The following TMX4 variants were observed in gnomAD, a reference collection of about 807,000 sequenced individuals.
TMX4 encodes thioredoxin-related transmembrane protein 4.
In TMX4, 23 loss-of-function variants were observed where a neutral mutation model predicts 33.3. That is an observed-to-expected ratio of 0.69 (90% CI 0.50 to 0.98). TMX4 has a LOEUF of 0.98. Ranked by LOEUF, TMX4 falls within the 50% of genes least tolerant of loss-of-function variation. The pLI is 0.00. For missense variants in TMX4, 399 were observed against 448.9 expected (o/e 0.89, Z 1.01); for synonymous variants, 164 against 161.5 (o/e 1.02, Z -0.12).
At chr20:7,983,314 A>T (rs1389838065) in intron 7 of TMX4, among the ~76,000 whole-genome samples, 1 of 152,228 alleles carries the variant, frequency 6.6e-6, no homozygotes, top group Non-Finnish European at 1.5e-5. Context: ...CCCACATAAA[A>T]TTCAACAATT....
intron 1 of TMX4, among the ~76,000 whole-genome samples, chr20:8,016,399 A>G (rs536190900): frequency 3.9e-5 from 6 of 152,228 alleles, no homozygotes; most frequent in Admixed American, 2.6e-4. Context: ...CAATAAGCCC[A>G]TAGCATTAAA....
Position 8,019,570 on chromosome 20 carries a change from G to T in TMX4, c.44C>A (p.Ala15Asp), listed in dbSNP as rs766511687. 2.1e-6 allele frequency: 3 copies of T among 1,406,006 alleles called. No individual in the cohort carries two copies. Among genetic ancestry groups the T allele is most frequent in the South Asian group, 1.6e-5 (1 of 63,030 alleles). The allele number at this position is 1,406,006 out of a possible 1,614,324, so 87.1% of individuals were successfully genotyped here. Residue 15 changes from alanine to aspartate, a missense_variant, in exon 1 of 8, where the codon GCC (alanine) becomes GAC (aspartate). Physicochemically the swap from Ala to Asp is moderately radical, Grantham distance 126 (BLOSUM62 -2). Transcript: ENST00000246024. Reference sequence around the variant, plus strand: ...CGCCGCCACAGCCGCGATCCAGGCGGCCAGGAGCGCCGTTAGCTGCGGGCC... The same window carrying T: ...CGCCGCCACAGCCGCGATCCAGGCGTCCAGGAGCGCCGTTAGCTGCGGGCC... ...RCGPQLTALL[A>D]AWIAAVAATA... is the part of the protein sequence containing the mutation.
In TMX4 at chr20:7,987,368, C is replaced by T. The variant is rs1365390222; in HGVS notation, c.535G>A (p.Val179Met). 1 of 1,589,292 alleles carries T rather than the reference C, an allele frequency of 6.3e-7. No individual in the cohort carries two copies. The highest frequency in any genetic ancestry group is 1.9e-5 in the Admixed American group (1 of 52,406). Residue 179 changes from valine (V) to methionine (M), a missense_variant, in exon 6 of 8, where the codon GTG (valine) becomes ATG (methionine). Transcript: ENST00000246024. Reference sequence around the variant, plus strand: ...CACCAAGCAGGAATTCCAAGAGTCACTGTGAAATAGTTGTGAAGATGCTGG... The same window carrying T: ...CACCAAGCAGGAATTCCAAGAGTCATTGTGAAATAGTTGTGAAGATGCTGG... ...KIWHLHNYFT[V>M]TLGIPAWCSY...
Position 7,982,388 on chromosome 20 carries a change from C to G in TMX4, c.913G>C (p.Asp305His), listed in dbSNP as rs2050610491. The change falls in exon 8 of 8, where the codon GAC (aspartate) becomes CAC (histidine). Residue 305 changes from aspartate to histidine, a missense_variant. Physicochemically the swap from Asp to His is moderately conservative, Grantham distance 81 (BLOSUM62 -1). Coordinates refer to ENST00000246024, the MANE Select transcript of TMX4 (RefSeq NM_021156.4). ...EANDQGPPGE[D>H]GVTREEVEPE... ...TCTACTTCCTCCCGGGTCACACCGT[C>G]CTCTCCTGGGGGCCCCTGATCATTG... 6.2e-7 allele frequency: 1 copy of G among 1,614,088 alleles called. No individual in the cohort carries two copies.
rs1311816356 is a variant in TMX4 at position 7,978,833 on chromosome 20, G to C, written c.*3418C>G. The C allele has an allele frequency of 6.6e-6, 1 of 152,180 alleles. No individual in the cohort carries two copies. Among genetic ancestry groups the C allele is most frequent in the Admixed American group, 6.5e-5 (1 of 15,278 alleles). 9.4% of individuals were successfully genotyped at this position (152,180 alleles called of 1,614,324 possible). A position where few individuals can be genotyped will look rare whatever the true frequency, so the allele number is the denominator to read the frequency against. ...TGAGATCTCTGAGCAAGCTGGGTTGGTTTAGCAGATCTAGCAAGAGACAAA... is the reference window on the plus strand; with the variant it reads ...TGAGATCTCTGAGCAAGCTGGGTTGCTTTAGCAGATCTAGCAAGAGACAAA... On this transcript the variant is annotated 3_prime_UTR_variant, in exon 8 of 8. Transcript: ENST00000246024.
chr20:8,003,009 T>G (rs2122870103), intron 2 of TMX4, among the ~76,000 whole-genome samples: 1 of 152,286 alleles, frequency 6.6e-6, no homozygotes, highest in Non-Finnish European at 1.5e-5. Context: ...AACTGAGGAT[T>G]GTAACAAGCA....
chr20:8,005,011 G>C (rs2050722763), intron 2 of TMX4, among the ~76,000 whole-genome samples: 1 of 152,174 alleles, frequency 6.6e-6, no homozygotes, highest in Non-Finnish European at 1.5e-5. Flanking sequence ...CCTTACTTTT[G>C]AGATTGAAAT....
rs114511973 is a variant in TMX4 at position 7,997,748 on chromosome 20, C to T, written c.468-1677G>A. Among the ~76,000 whole-genome samples the T allele has an allele frequency of 9.2e-3, 1,407 of 152,314 alleles. 19 individuals are homozygous for T. Among genetic ancestry groups the T allele is most frequent in the African/African-American group, 0.032 (1,317 of 41,580 alleles). ...GACTGGCCAAAAAGGCACCTCTCTG[C>T]GCAAAAATAAAATTGCTTTGCTAAA... On this transcript the variant is annotated intron_variant, in intron 4 of 7. Coordinates refer to ENST00000246024, the MANE Select transcript of TMX4 (RefSeq NM_021156.4).
chr20:7,983,786 G>A lies in TMX4; in HGVS notation c.679+8C>T, dbSNP rs1016186480. On this transcript the variant is annotated splice_region_variant and intron_variant, in intron 7 of 7. Coordinates refer to ENST00000246024, the MANE Select transcript of TMX4 (RefSeq NM_021156.4). The stretch of plus-strand genomic sequence containing the variant: ...ACACTCTAGATCACAGGAGCTTATC[G>A]TACTTACCAGAACGCTCAGATAAAT... 7.4e-6 allele frequency: 12 copies of A among 1,612,170 alleles called. No homozygotes were observed. Among genetic ancestry groups the A allele is most frequent in the Non-Finnish European group, 1.0e-5 (12 of 1,178,856 alleles).
intron 6 of TMX4, among the ~76,000 whole-genome samples, chr20:7,987,019 CTT>C (rs762695134): frequency 3.9e-4 from 51 of 132,252 alleles, no homozygotes; most frequent in South Asian, 7.2e-4. Context: ...AGTAAGGTCT[CTT>C]TTTTTTTTTT....
chr20:7,987,423 T>A, intron 5 of TMX4, 34 bp from the exon 6 acceptor site: 1 of 1,487,014 alleles, frequency 6.7e-7, no homozygotes, highest in Non-Finnish European at 9.0e-7. Flanking sequence ...AAACATTAAT[T>A]TTTAAGAGAA....
chr20:8,001,845 G>C (rs1406963751), intron 2 of TMX4, among the ~76,000 whole-genome samples: 1 of 152,072 alleles, frequency 6.6e-6, no homozygotes, highest in Non-Finnish European at 1.5e-5. Context: ...TATAACTTTA[G>C]ATTATTTAAC....
intron 6 of TMX4, among the ~76,000 whole-genome samples, chr20:7,986,255 T>C (rs1277443603): frequency 6.6e-6 from 1 of 152,204 alleles, no homozygotes; most frequent in Non-Finnish European, 1.5e-5. Flanking sequence ...GTAAGTCCCA[T>C]TCTTATCCCT....
chr20:7,994,047 C>A (rs2050666090), intron 5 of TMX4, among the ~76,000 whole-genome samples: 1 of 151,784 alleles, frequency 6.6e-6, no homozygotes, highest in Non-Finnish European at 1.5e-5. Context: ...AAAGAAAACA[C>A]ATGGTATTAA....
intron 1 of TMX4, among the ~76,000 whole-genome samples, chr20:8,018,390 GA>G (rs2050787688): frequency 2.5e-5 from 1 of 39,882 alleles, no homozygotes; most frequent in Non-Finnish European, 4.0e-5. Flanking sequence ...GAGAGAGAGA[GA>G]GGGAGGGAGG....
intron 1 of TMX4, chr20:8,019,006 T>G (rs1253421111): frequency 2.2e-6 from 1 of 451,676 alleles, no homozygotes; most frequent in Non-Finnish European, 4.4e-6. Flanking sequence ...TGGATGTCAC[T>G]GAATGTCCTT....
chr20:8,009,941 T>C (rs1278719465), intron 2 of TMX4, among the ~76,000 whole-genome samples: 2 of 147,864 alleles, frequency 1.4e-5, no homozygotes, highest in African/African-American at 4.9e-5. Context: ...GGGTAAATTA[T>C]CATGATGTCG....
chr20:7,983,513 T>G (rs984093033), intron 7 of TMX4, among the ~76,000 whole-genome samples: 2 of 152,188 alleles, frequency 1.3e-5, no homozygotes, highest in Non-Finnish European at 2.9e-5. Flanking sequence ...CCTTCTTCCC[T>G]TCTAGTTCTA....
chr20:8,000,691 C>A (rs1223688420), intron 3 of TMX4, among the ~76,000 whole-genome samples: 3 of 152,102 alleles, frequency 2.0e-5, no homozygotes, highest in African/African-American at 7.2e-5. Flanking sequence ...CATACATGTT[C>A]TCTCTAGATA....
Sources: allele counts gnomAD v4.1 joint callset (sites outside exome capture counted in the v4.1 genomes callset), GRCh38; gene constraint gnomAD v4.1.1; transcripts MANE v1.5; gene names NCBI Gene and HGNC (gene_info 2026-07-23, HGNC 2026-07-21).